CSF2RA: variants seen among roughly 807,000 people sequenced by gnomAD.
CSF2RA encodes the protein granulocyte-macrophage colony-stimulating factor receptor subunit alpha.
In CSF2RA, 42 loss-of-function variants were observed where a neutral mutation model predicts 51.6. The observed-to-expected ratio is 0.81, with a 90% CI of 0.64 to 1.05. The LOEUF is 1.05. CSF2RA is among the 50% of genes least tolerant of loss of function. CSF2RA has a pLI of 0.00. For synonymous variants in CSF2RA, 222 were observed against 193.0 expected (o/e 1.15, Z -1.24); for missense variants, 530 against 501.1 (o/e 1.06, Z -0.55).
chrX:1,290,439 T>C lies in CSF2RA; in HGVS notation c.576T>C (p.Phe192=). 1 of 1,613,946 alleles carries C rather than the reference T, an allele frequency of 6.2e-7. No homozygotes were observed. Among genetic ancestry groups the C allele is most frequent in the Non-Finnish European group, 8.5e-7 (1 of 1,179,838 alleles). The part of the protein sequence containing the change: ...NLSGLTSRNY[F]LVNGTSREIG... ...CAGGATTAACGTCTCGCAATTACTT[T>C]CTGGTTAACGGAACCAGCCGAGAAA... Residue 192 remains phenylalanine (F), a synonymous_variant, in exon 7 of 13, where the codon TTT becomes TTC. Transcript: ENST00000381529.
intron 9 of CSF2RA, 44 bp from the exon 10 acceptor site, chrX:1,300,447 C>T (rs1459328470): frequency 6.2e-7 from 1 of 1,612,024 alleles, no homozygotes; most frequent in Admixed American, 1.7e-5. Context: ...CCTTTTCCTC[C>T]ACACAGAAGA....
chrX:1,309,638 G>C lies in CSF2RA; in HGVS notation c.*159G>C, dbSNP rs1340654406. Reference sequence around the variant, plus strand: ...GCGGTGGCTCACGCCTGTAATCCCAGCACTTTGGGAGGCCAAGGCAGGCGG... The same window carrying C: ...GCGGTGGCTCACGCCTGTAATCCCACCACTTTGGGAGGCCAAGGCAGGCGG... On this transcript the variant is annotated 3_prime_UTR_variant, in exon 13 of 13. Coordinates refer to ENST00000381529, the MANE Select transcript of CSF2RA (RefSeq NM_172245.4). 1.3e-6 allele frequency: 2 copies of C among 1,568,150 alleles called. No individual in the cohort carries two copies. The highest frequency in any genetic ancestry group is 1.8e-6 in the Non-Finnish European group (2 of 1,139,082).
intron 1 of CSF2RA, among the ~76,000 whole-genome samples, chrX:1,273,058 G>T (rs1435434511): frequency 2.0e-5 from 3 of 151,642 alleles, no homozygotes; most frequent in Non-Finnish European, 4.4e-5. Flanking sequence ...GACCTCAAGT[G>T]ATCCACACGC....
chrX:1,281,444 C>T (rs2090054827), intron 2 of CSF2RA, among the ~76,000 whole-genome samples: 1 of 140,604 alleles, frequency 7.1e-6, no homozygotes, highest in African/African-American at 2.7e-5. Flanking sequence ...TTCTCCTCCT[C>T]CTGCTCCTTC....
chrX:1,291,315 T>TTTCC (rs1191152641), intron 7 of CSF2RA, among the ~76,000 whole-genome samples: 8 of 136,004 alleles, frequency 5.9e-5, no homozygotes, highest in Middle Eastern at 3.7e-3. Flanking sequence ...CCCTCCCTCC[T>TTTCC]TTCCTTCCTT....
At chrX:1,295,578 C>A (rs1442007619) in intron 9 of CSF2RA, 122 bp downstream of exon 9, 2 of 795,886 alleles carry the variant, frequency 2.5e-6, no homozygotes, top group African/African-American at 3.6e-5. Flanking sequence ...TACCGACGAC[C>A]TCCAGCGTAA....
chrX:1,309,896 CAAT>C lies in CSF2RA; in HGVS notation c.*426_*428del, dbSNP rs1484466722. 2 of 576,466 alleles carry C rather than the reference CAAT, an allele frequency of 3.5e-6. No homozygotes were observed. Among genetic ancestry groups the C allele is most frequent in the Non-Finnish European group, 6.1e-6 (2 of 326,396 alleles). 35.7% of individuals were successfully genotyped at this position (576,466 alleles called of 1,614,324 possible). A position where few individuals can be genotyped will look rare whatever the true frequency, so the allele number is the denominator to read the frequency against. On this transcript the variant is annotated 3_prime_UTR_variant, in exon 13 of 13. Transcript: ENST00000381529. ...GAGCAAGATTGCATCTCAAAACAAA[CAAT>C]AATAATAAATAATAAAAACCTGATA...
chrX:1,289,055 G>C, intron 6 of CSF2RA, 167 bp downstream of exon 6: 2 of 870,832 alleles, frequency 2.3e-6, no homozygotes, highest in South Asian at 3.2e-5. Context: ...TCGACCTCCT[G>C]GGTTCAAGCA....
intron 12 of CSF2RA, 121 bp downstream of exon 12, chrX:1,305,648 C>G (rs757829631): frequency 3.1e-6 from 5 of 1,609,490 alleles, no homozygotes; most frequent in Non-Finnish European, 4.2e-6. Flanking sequence ...AGCGTCACCA[C>G]CGGTGTGGCT....
chrX:1,323,919 C>T, the CSF2RA span, among the ~76,000 whole-genome samples: 12 of 151,766 alleles, frequency 7.9e-5, no homozygotes, highest in African/African-American at 1.9e-4. Context: ...GAGGCTGAGG[C>T]AGGAGAATGG....
downstream of CSF2RA, among the ~76,000 whole-genome samples, chrX:1,315,022 A>C (rs67550409): frequency 4.6e-4 from 48 of 103,428 alleles, 2 homozygotes; most frequent in African/African-American, 1.4e-3. Context: ...CTGCCCAACC[A>C]CACTGCACCA....
chrX:1,274,819 G>C lies in CSF2RA; in HGVS notation c.-27+1G>C, dbSNP rs1443864252. On this transcript the variant is annotated splice_donor_variant, in intron 2 of 12. Transcript: ENST00000381529. LOFTEE classifies it low-confidence loss of function (5UTR_SPLICE). ...AGCGGCGATGTTTGCGTAGAACCCT[G>C]TACGTGCTTCCTTCGGCCTGTCGGT... The C allele has an allele frequency of 8.8e-6, 4 of 453,406 alleles. No individual in the cohort carries two copies. The highest frequency in any genetic ancestry group is 6.2e-5 in the South Asian group (4 of 64,452). The allele number at this position is 453,406 out of a possible 1,614,324, so 28.1% of individuals were successfully genotyped here.
intron 7 of CSF2RA, among the ~76,000 whole-genome samples, chrX:1,292,491 G>A (rs2091499141): frequency 6.6e-6 from 1 of 152,142 alleles, no homozygotes. Context: ...TTGGCAAGGG[G>A]AATGTGGCAG....
chrX:1,291,575 C>T (rs2091403316), intron 7 of CSF2RA, among the ~76,000 whole-genome samples: 1 of 152,054 alleles, frequency 6.6e-6, no homozygotes, highest in South Asian at 2.1e-4. Flanking sequence ...TGGACTCCTT[C>T]ATCCCGTTGG....
At chrX:1,275,198 C>T (rs181079220) in intron 2 of CSF2RA, among the ~76,000 whole-genome samples, 12 of 152,066 alleles carry the variant, frequency 7.9e-5, no homozygotes, top group Admixed American at 7.9e-4. Flanking sequence ...CCAGACCAGC[C>T]TGGCCAACAT....
At chrX:1,324,692 G>A in the CSF2RA span, among the ~76,000 whole-genome samples, 2 of 152,158 alleles carry the variant, frequency 1.3e-5, no homozygotes, top group Non-Finnish European at 2.9e-5. Context: ...GCCCAGCAGG[G>A]CCGCTTGGGC....
chrX:1,316,169 CTAGACAGATGGATAGATAGACACA>C, the CSF2RA span, among the ~76,000 whole-genome samples: 1 of 150,232 alleles, frequency 6.7e-6, no homozygotes, highest in African/African-American at 2.5e-5. Context: ...GATAGAAGAG[CTAGACAGATGGATAGATAGACACA>C]TAGACAGATA....
intron 2 of CSF2RA, among the ~76,000 whole-genome samples, chrX:1,276,063 C>T (rs1291385158): frequency 1.3e-5 from 2 of 150,928 alleles, no homozygotes; most frequent in African/African-American, 2.4e-5. Flanking sequence ...TGCAGTGGAG[C>T]GATCTCAGCT....
intron 9 of CSF2RA, among the ~76,000 whole-genome samples, chrX:1,299,101 C>G (rs764140183): frequency 2.8e-4 from 42 of 152,288 alleles, no homozygotes; most frequent in South Asian, 8.3e-4. Context: ...TGGGCAGGGT[C>G]TGCTCTTGGC....
Sources: gnomAD v4.1 joint callset for allele counts (sites outside exome capture counted in the v4.1 genomes callset) on GRCh38, gnomAD v4.1.1 for gene constraint, MANE v1.5 for transcripts, NCBI Gene and HGNC (gene_info 2026-07-23, HGNC 2026-07-21) for gene names.